CREBBP: variants seen among roughly 807,000 people sequenced by gnomAD.
The protein encoded by CREBBP is CREB binding lysine acetyltransferase.
CREBBP carries 19 observed loss-of-function variants against 265.0 expected under a neutral mutation model. That is an observed-to-expected ratio of 0.07 (90% CI 0.05 to 0.11). The LOEUF is 0.11. CREBBP is among the 10% of genes least tolerant of loss of function. The pLI is 1.00. For synonymous variants in CREBBP, 1,457 were observed against 1,223.7 expected, an observed-to-expected ratio of 1.19 and a Z score of -3.98; for missense variants, 2,525 against 3,219.0, an observed-to-expected ratio of 0.78 and a Z score of 5.22.
intron 5 of CREBBP, 112 bp from the exon 6 acceptor site, chr16:3,783,038 C>T (rs2053309862): frequency 3.7e-6 from 5 of 1,344,188 alleles, no homozygotes; most frequent in Non-Finnish European, 4.2e-6. Flanking sequence ...AAATACTACA[C>T]ATGAATATCA....
intron 30 of CREBBP, among the ~76,000 whole-genome samples, chr16:3,730,809 C>G (rs751079464): frequency 2.0e-5 from 3 of 152,074 alleles, no homozygotes; most frequent in Non-Finnish European, 4.4e-5. Flanking sequence ...ACAGGGGGGT[C>G]AAAATTCCTA....
chr16:3,800,424 GTAAAAATTCT>G (rs1373496040), intron 3 of CREBBP, among the ~76,000 whole-genome samples: 1 of 152,126 alleles, frequency 6.6e-6, no homozygotes, highest in East Asian at 1.9e-4. Flanking sequence ...CGGCCTTCCA[GTAAAAATTCT>G]TAAAATACAG....
intron 2 of CREBBP, among the ~76,000 whole-genome samples, chr16:3,829,417 A>C (rs2054299014): frequency 1.3e-5 from 2 of 152,232 alleles, no homozygotes; most frequent in South Asian, 4.1e-4. Flanking sequence ...GACCACACAC[A>C]ACAATCACAT....
intron 5 of CREBBP, among the ~76,000 whole-genome samples, chr16:3,790,690 G>A (rs1033591718): frequency 2.6e-5 from 4 of 152,152 alleles, no homozygotes; most frequent in African/African-American, 9.7e-5. Flanking sequence ...TGGTTCTTCT[G>A]TAGGGAGGCA....
rs752252706 is a variant in CREBBP, at chr16:3,810,703, C to A, written c.875G>T (p.Gly292Val). Residue 292 changes from glycine (G) to valine (V), a missense_variant, in exon 3 of 31, where the codon GGA becomes GTA. Coordinates refer to ENST00000262367, the MANE Select transcript of CREBBP (RefSeq NM_004380.3). ...QAGGQPMGATGVNPQLASKQS... is the reference protein window; with the variant it reads ...QAGGQPMGATVVNPQLASKQS... ...TTTGCTGGCTAACTGGGGGTTCACT[C>A]CAGTGGCTCCCATTGGCTGCCCTCC... 4 of 1,613,914 alleles carry A rather than the reference C, an allele frequency of 2.5e-6. No individual in the cohort carries two copies. The Admixed American group carries it at 5.0e-5, about 20-fold the overall frequency.
chr16:3,786,021 C>T (rs929489957), intron 5 of CREBBP, among the ~76,000 whole-genome samples: 9 of 152,252 alleles, frequency 5.9e-5, no homozygotes, highest in African/African-American at 2.2e-4. Flanking sequence ...TTCTCGGACT[C>T]ACCTGCCACT....
chr16:3,759,472 C>T (rs761025396), intron 16 of CREBBP, among the ~76,000 whole-genome samples: 1 of 151,626 alleles, frequency 6.6e-6, no homozygotes, highest in Non-Finnish European at 1.5e-5. Flanking sequence ...CTATAAGCCC[C>T]GCTACTCGAG....
chr16:3,829,579 G>T (rs923388615), intron 2 of CREBBP, among the ~76,000 whole-genome samples: 2 of 152,116 alleles, frequency 1.3e-5, no homozygotes, highest in Admixed American at 6.5e-5. Context: ...AACATCCCAG[G>T]AATTAAACTG....
chr16:3,797,732 CA>C (rs1738823511), intron 3 of CREBBP, among the ~76,000 whole-genome samples: 2 of 151,400 alleles, frequency 1.3e-5, no homozygotes, highest in Non-Finnish European at 2.9e-5. Context: ...GCTTTACATT[CA>C]AGAGTGGTGA....
intron 13 of CREBBP, 79 bp from the exon 14 acceptor site, chr16:3,771,065 A>T (rs1405477498): frequency 1.9e-6 from 3 of 1,558,158 alleles, no homozygotes; most frequent in Non-Finnish European, 1.7e-6. Flanking sequence ...AATTAAATGT[A>T]TGAAAAAAAA....
chr16:3,767,346 T>C, intron 16 of CREBBP: 1 of 252,476 alleles, frequency 4.0e-6, no homozygotes, highest in Non-Finnish European at 7.7e-6. Flanking sequence ...ATGGCTTTTT[T>C]GGTTATTCTC....
In CREBBP at chr16:3,862,300, A is replaced by T. The variant is rs376310617; in HGVS notation, c.86-11291T>A. The stretch of plus-strand genomic sequence containing the variant: ...AAGACAGCAAGACAGGCAGGCAGAG[A>T]TGGCTGCTCTGCTGTGGGGAACTTC... On this transcript the variant is annotated intron_variant, in intron 1 of 30. Coordinates refer to ENST00000262367, the MANE Select transcript of CREBBP (RefSeq NM_004380.3). Among the ~76,000 whole-genome samples, 9 of 152,206 alleles carry T rather than the reference A, an allele frequency of 5.9e-5. No individual in the cohort carries two copies. The South Asian group carries it at 1.2e-3, about 21-fold the overall frequency.
intron 24 of CREBBP, 135 bp from the exon 25 acceptor site, chr16:3,739,859 G>A (rs577882477): frequency 8.0e-7 from 1 of 1,249,580 alleles, no homozygotes; most frequent in African/African-American, 1.5e-5. Flanking sequence ...CCGTGGCCTG[G>A]AGTCCTCCCT....
chr16:3,777,931 G>C (rs1364340452), intron 10 of CREBBP, 80 bp downstream of exon 10: 1 of 1,509,372 alleles, frequency 6.6e-7, no homozygotes, highest in East Asian at 2.3e-5. Flanking sequence ...CTAATTCTCT[G>C]TTCTTAGAAA....
intron 2 of CREBBP, among the ~76,000 whole-genome samples, chr16:3,824,083 A>AAGGTAAGAGACACAAGCCAC (rs1166232411): frequency 1.3e-5 from 2 of 152,212 alleles, no homozygotes; most frequent in Admixed American, 6.5e-5. Context: ...TCCCAAGCCA[A>AAGGTAAGAGACACAAGCCAC]AGGTAAGAGA....
At chr16:3,732,195 C>T (rs1215765903) in intron 28 of CREBBP, among the ~76,000 whole-genome samples, 2 of 152,174 alleles carry the variant, frequency 1.3e-5, no homozygotes, top group Admixed American at 6.5e-5. Flanking sequence ...ACCCAGAGTG[C>T]GAGTTCAGAA....
chr16:3,868,679 T>C (rs2055229226), intron 1 of CREBBP, among the ~76,000 whole-genome samples: 1 of 152,148 alleles, frequency 6.6e-6, no homozygotes, highest in African/African-American at 2.4e-5. Context: ...CAAGCCTCCC[T>C]GACCACCCAG....
At chr16:3,875,151 G>C (rs2055373332) in intron 1 of CREBBP, among the ~76,000 whole-genome samples, 1 of 152,184 alleles carries the variant, frequency 6.6e-6, no homozygotes, top group African/African-American at 2.4e-5. Context: ...CTCTTTGTAA[G>C]TTATGTTCAA....
intron 1 of CREBBP, among the ~76,000 whole-genome samples, chr16:3,861,551 T>A (rs111697218): frequency 0.019 from 2,919 of 151,022 alleles, 56 homozygotes; most frequent in African/African-American, 0.046. Context: ...AATAAACTCA[T>A]CCCTGCTGAT....
Sources: gnomAD v4.1 joint callset for allele counts (sites outside exome capture counted in the v4.1 genomes callset) on GRCh38, gnomAD v4.1.1 for gene constraint, MANE v1.5 for transcripts, NCBI Gene and HGNC (gene_info 2026-07-23, HGNC 2026-07-21) for gene names.